The following PDE4D variants were observed in gnomAD, a reference collection of about 807,000 sequenced individuals.
The protein encoded by PDE4D is phosphodiesterase 4D, also known as 3',5'-cyclic-AMP phosphodiesterase 4D.
Under a neutral mutation model 87.4 loss-of-function variants are expected in PDE4D, and 24 were observed. The ratio of observed to expected loss-of-function variants is 0.27; its 90% CI spans 0.20 to 0.39. The LOEUF (loss-of-function observed/expected upper bound fraction) is 0.39, where lower values mean the gene tolerates loss of function less well. Ranked by LOEUF, PDE4D falls within the 10% of genes least tolerant of loss-of-function variation. The probability of loss-of-function intolerance (pLI) is 1.00; values close to 1 mark genes in which losing one functional copy is unlikely to be tolerated. For missense variants in PDE4D, 714 were observed against 1,041.0 expected (o/e 0.69, Z 4.32); for synonymous variants, 384 against 383.2 (o/e 1.00, Z -0.02).
At chr5:59,329,227 T>G (rs778646264) in intron 1 of PDE4D, among the ~76,000 whole-genome samples, 1 of 151,974 alleles carries the variant, frequency 6.6e-6, no homozygotes, top group Non-Finnish European at 1.5e-5. Flanking sequence ...GAAAAGGAAG[T>G]CTCGGGCTGT....
At chr5:59,866,285 C>A (rs1300803689) in intron 1 of PDE4D, among the ~76,000 whole-genome samples, 3 of 152,156 alleles carry the variant, frequency 2.0e-5, no homozygotes, top group Non-Finnish European at 2.9e-5. Context: ...TTCATTTCTA[C>A]AATATTTTCA....
chr5:59,449,137 G>A (rs921655390), intron 1 of PDE4D, among the ~76,000 whole-genome samples: 1 of 152,206 alleles, frequency 6.6e-6, no homozygotes, highest in African/African-American at 2.4e-5. Flanking sequence ...GTGTTCCACT[G>A]TGAACAGCAT....
intron 1 of PDE4D, among the ~76,000 whole-genome samples, chr5:59,852,094 T>C (rs1744756032): frequency 6.6e-6 from 1 of 152,000 alleles, no homozygotes; most frequent in Non-Finnish European, 1.5e-5. Flanking sequence ...GCTGATGCCA[T>C]AATAGAATGA....
intron 2 of PDE4D, among the ~76,000 whole-genome samples, chr5:60,133,224 T>A (rs1396002045): frequency 6.6e-6 from 1 of 152,170 alleles, no homozygotes; most frequent in Non-Finnish European, 1.5e-5. Flanking sequence ...CCAATCTCTC[T>A]CCTACATTAT....
At chr5:59,598,743 G>C (rs1827067944) in intron 1 of PDE4D, among the ~76,000 whole-genome samples, 1 of 152,004 alleles carries the variant, frequency 6.6e-6, no homozygotes, top group Non-Finnish European at 1.5e-5. Context: ...TGAAGAAAAA[G>C]GAAAGTGAAA....
At chr5:60,265,692 C>T (rs578164446) in intron 1 of PDE4D, among the ~76,000 whole-genome samples, 25 of 152,220 alleles carry the variant, frequency 1.6e-4, no homozygotes, top group South Asian at 6.2e-4. Flanking sequence ...CTGTTCCACT[C>T]CCACTCTGTA....
chr5:59,199,236 G>A (rs1746173753), intron 2 of PDE4D, among the ~76,000 whole-genome samples: 1 of 149,158 alleles, frequency 6.7e-6, no homozygotes, highest in Non-Finnish European at 1.5e-5. Context: ...CACAGGCTGG[G>A]GCTTACGTTT....
chr5:58,994,861 C>A (rs375350016), intron 6 of PDE4D, among the ~76,000 whole-genome samples: 1 of 151,882 alleles, frequency 6.6e-6, no homozygotes, highest in African/African-American at 2.4e-5. Context: ...TAGTCAAAAA[C>A]AAAGAACTCG....
chr5:59,950,224 G>A (rs1758153463), intron 3 of PDE4D, among the ~76,000 whole-genome samples: 1 of 152,036 alleles, frequency 6.6e-6, no homozygotes, highest in Non-Finnish European at 1.5e-5. Context: ...TCTGATCTAA[G>A]ACCACCAGCT....
intron 1 of PDE4D, among the ~76,000 whole-genome samples, chr5:59,756,866 C>T (rs1278939775): frequency 1.4e-5 from 2 of 139,372 alleles, no homozygotes; most frequent in Admixed American, 1.5e-4. Context: ...GGTGCAATCT[C>T]GGCTCAAAGC....
intron 2 of PDE4D, among the ~76,000 whole-genome samples, chr5:60,111,815 A>C (rs959594002): frequency 1.3e-5 from 2 of 151,968 alleles, no homozygotes; most frequent in Non-Finnish European, 2.9e-5. Flanking sequence ...TAAAAACCTA[A>C]AGTTAATAAA....
At chr5:58,998,116 T>C (rs1042398164) in intron 6 of PDE4D, among the ~76,000 whole-genome samples, 16 of 152,252 alleles carry the variant, frequency 1.1e-4, no homozygotes, top group Admixed American at 2.0e-4. Context: ...ACTCCATTGA[T>C]GGTATAAAAA....
At chr5:59,539,242 T>A (rs1020761319) in intron 1 of PDE4D, among the ~76,000 whole-genome samples, 1 of 152,190 alleles carries the variant, frequency 6.6e-6, no homozygotes, top group African/African-American at 2.4e-5. Context: ...TTAATCTGAA[T>A]GCAGATATGT....
intron 1 of PDE4D, among the ~76,000 whole-genome samples, chr5:60,417,262 G>A (rs1742688472): frequency 6.6e-6 from 1 of 152,122 alleles, no homozygotes; most frequent in African/African-American, 2.4e-5. Flanking sequence ...ATTGTATCAC[G>A]GATGAGAGAA....
chr5:59,278,627 C>G (rs1232886982), intron 1 of PDE4D, among the ~76,000 whole-genome samples: 1 of 151,994 alleles, frequency 6.6e-6, no homozygotes, highest in African/African-American at 2.4e-5. Flanking sequence ...AGCATTCCAT[C>G]TATACCATGA....
At chr5:60,127,364 C>T (rs938923786) in intron 2 of PDE4D, among the ~76,000 whole-genome samples, 2 of 152,122 alleles carry the variant, frequency 1.3e-5, no homozygotes, top group African/African-American at 2.4e-5. Context: ...TAAGGTTGGA[C>T]TTCTGTTTCA....
intron 2 of PDE4D, among the ~76,000 whole-genome samples, chr5:60,144,116 A>C (rs1780792857): frequency 6.6e-6 from 1 of 152,128 alleles, no homozygotes; most frequent in Non-Finnish European, 1.5e-5. Context: ...TCATCCTCCC[A>C]GCGGCAGCGG....
At chr5:60,224,827 A>G (rs1744904701) in intron 1 of PDE4D, among the ~76,000 whole-genome samples, 1 of 152,048 alleles carries the variant, frequency 6.6e-6, no homozygotes, top group Admixed American at 6.6e-5. Flanking sequence ...GGAGGTAGAA[A>G]GAATTCGTGG....
chr5:60,284,826 T>C (rs1056564756), intron 1 of PDE4D, among the ~76,000 whole-genome samples: 3 of 144,570 alleles, frequency 2.1e-5, no homozygotes, highest in African/African-American at 8.5e-5. Context: ...GTCAAGAATC[T>C]TCAGAAATAA....
Sources: gnomAD v4.1 joint callset for allele counts (sites outside exome capture counted in the v4.1 genomes callset) on GRCh38, gnomAD v4.1.1 for gene constraint, MANE v1.5 for transcripts, NCBI Gene and HGNC (gene_info 2026-07-23, HGNC 2026-07-21) for gene names.